The following CHIC1 variants were observed in gnomAD, a reference collection of about 807,000 sequenced individuals.
The protein encoded by CHIC1 is cysteine rich hydrophobic domain 1.
Under a neutral mutation model 18.5 loss-of-function variants are expected in CHIC1, and 7 were observed. The observed-to-expected ratio is 0.38, with a 90% CI of 0.22 to 0.71. The LOEUF (loss-of-function observed/expected upper bound fraction) is 0.71. Among genes scored for constraint, CHIC1 ranks in the 30% least tolerant of loss-of-function variants. The pLI is 0.49. For synonymous variants in CHIC1, 77 were observed against 73.5 expected, an observed-to-expected ratio of 1.05 and a Z score of -0.25; for missense variants, 159 against 176.9, an observed-to-expected ratio of 0.90 and a Z score of 0.57.
chrX:73,663,976 C>T (rs1239063420), intron 3 of CHIC1, among the ~76,000 whole-genome samples: 1 of 111,570 alleles, frequency 9.0e-6, no homozygotes, highest in African/African-American at 3.3e-5. Context: ...GAGGCAGGGG[C>T]CCCAGATCCC....
intron 3 of CHIC1, among the ~76,000 whole-genome samples, chrX:73,677,545 A>G (rs913221454): frequency 8.9e-6 from 1 of 112,337 alleles, no homozygotes; most frequent in Non-Finnish European, 1.9e-5. Flanking sequence ...AGCCAGGTGC[A>G]GGATATAATC....
Position 73,642,454 on chromosome X carries a change from T to C in CHIC1, c.508-36872T>C, listed in dbSNP as rs1469031422. Among the ~76,000 whole-genome samples the C allele has an allele frequency of 3.6e-5, 4 of 109,621 alleles. No individual in the cohort carries two copies. In the Admixed American group the frequency reaches 3.9e-4, roughly 11 times the overall value. Reference sequence around the variant, plus strand: ...AGATGAGTAGGTTGCGAAAATTTTCTCCCATTTTGTAGGTTGCCTGTTCAC... The same window carrying C: ...AGATGAGTAGGTTGCGAAAATTTTCCCCCATTTTGTAGGTTGCCTGTTCAC... On this transcript the variant is annotated intron_variant, in intron 3 of 5. Transcript: ENST00000373502.
At chrX:73,680,310 T>C (rs1027241297) in intron 5 of CHIC1, among the ~76,000 whole-genome samples, 1 of 111,255 alleles carries the variant, frequency 9.0e-6, no homozygotes, top group Non-Finnish European at 1.9e-5. Flanking sequence ...ATTCCATGTG[T>C]GTTTCATAAG....
chrX:73,650,250 C>T (rs760936886), intron 3 of CHIC1, among the ~76,000 whole-genome samples: 2 of 111,530 alleles, frequency 1.8e-5, no homozygotes, highest in Non-Finnish European at 3.8e-5. Flanking sequence ...TTGAAATCGA[C>T]ACCCTAACAT....
intron 3 of CHIC1, among the ~76,000 whole-genome samples, chrX:73,670,407 T>G (rs1054484722): frequency 9.0e-6 from 1 of 111,528 alleles, no homozygotes; most frequent in African/African-American, 3.3e-5. Flanking sequence ...GTCTAGCTGA[T>G]GGTTTGTCTA....
intron 3 of CHIC1, among the ~76,000 whole-genome samples, chrX:73,663,257 T>C (rs2057989263): frequency 9.0e-6 from 1 of 111,347 alleles, no homozygotes; most frequent in Non-Finnish European, 1.9e-5. Flanking sequence ...TTGATTGTTC[T>C]ATGTGGCCGG....
intron 3 of CHIC1, among the ~76,000 whole-genome samples, chrX:73,606,187 A>G (rs1362636148): frequency 9.5e-6 from 1 of 105,740 alleles, no homozygotes; most frequent in African/African-American, 3.7e-5. Flanking sequence ...GTTCCTTTTC[A>G]TTCTTTTTTC....
chrX:73,581,869 G>A (rs2057529270), intron 2 of CHIC1, among the ~76,000 whole-genome samples: 2 of 110,736 alleles, frequency 1.8e-5, no homozygotes, highest in African/African-American at 3.3e-5. Context: ...AATTCCAGAA[G>A]CATATAATAA....
intron 3 of CHIC1, among the ~76,000 whole-genome samples, chrX:73,609,534 G>A (rs752643396): frequency 1.8e-5 from 2 of 108,581 alleles, no homozygotes; most frequent in South Asian, 3.8e-4. Context: ...CCCGAGTAGC[G>A]GCATCTACAG....
At chrX:73,654,430 A>G (rs1387080877) in intron 3 of CHIC1, among the ~76,000 whole-genome samples, 2 of 111,386 alleles carry the variant, frequency 1.8e-5, no homozygotes, top group African/African-American at 6.5e-5. Flanking sequence ...CTAGATATTC[A>G]TTTTGCTAGT....
At chrX:73,623,211 G>A (rs2057768433) in intron 3 of CHIC1, among the ~76,000 whole-genome samples, 1 of 110,839 alleles carries the variant, frequency 9.0e-6, no homozygotes, top group African/African-American at 3.3e-5. Flanking sequence ...GCTTGGTCTA[G>A]AGCTGTGTTC....
chrX:73,661,638 A>G (rs1172905794), intron 3 of CHIC1, among the ~76,000 whole-genome samples: 2 of 111,740 alleles, frequency 1.8e-5, no homozygotes, highest in African/African-American at 6.5e-5. Context: ...GCTGAAGTCG[A>G]AGAAAAAGTG....
At position 73,684,579 on chromosome X, in the gene CHIC1, T is replaced by A. The variant is rs2058113391; in HGVS notation, c.*3574T>A. The A allele has an allele frequency of 1.8e-5, 2 of 111,422 alleles. No homozygotes were observed. Among genetic ancestry groups the A allele is most frequent in the African/African-American group, 6.5e-5 (2 of 30,773 alleles). 9.2% of individuals were successfully genotyped at this position (111,422 alleles called of 1,213,427 possible). On this transcript the variant is annotated 3_prime_UTR_variant, in exon 6 of 6. Coordinates refer to ENST00000373502, the MANE Select transcript of CHIC1 (RefSeq NM_001039840.4). The stretch of plus-strand genomic sequence containing the variant: ...GACCTAGGAGGATATAGAAATTATA[T>A]TCACCTGATTAACTGGAGCAGTTTC...
chrX:73,637,114 C>T (rs1398755366), intron 3 of CHIC1, among the ~76,000 whole-genome samples: 1 of 110,471 alleles, frequency 9.1e-6, no homozygotes, highest in Non-Finnish European at 1.9e-5. Context: ...CTTAATTTTT[C>T]CTTTATTTTT....
At chrX:73,669,298 T>G (rs752619121) in intron 3 of CHIC1, among the ~76,000 whole-genome samples, 2 of 111,811 alleles carry the variant, frequency 1.8e-5, no homozygotes, top group South Asian at 7.5e-4. Flanking sequence ...TGAAAGGTCC[T>G]GCTGGGAGGT....
intron 2 of CHIC1, among the ~76,000 whole-genome samples, chrX:73,583,197 TTGAG>T (rs1225820869): frequency 9.0e-6 from 1 of 111,226 alleles, no homozygotes; most frequent in Non-Finnish European, 1.9e-5. Flanking sequence ...ATTAACCTTA[TTGAG>T]TGACATGAAC....
intron 3 of CHIC1, among the ~76,000 whole-genome samples, chrX:73,618,132 G>A (rs1439365918): frequency 9.0e-6 from 1 of 111,656 alleles, no homozygotes; most frequent in Non-Finnish European, 1.9e-5. Context: ...GACGTGAACT[G>A]TCTTCAGGTC....
At position 73,628,040 on chromosome X, in the gene CHIC1, C is replaced by T. The variant is rs968385844; in HGVS notation, c.507+43468C>T. 2.7e-5 allele frequency among the ~76,000 whole-genome samples: 3 copies of T among 111,517 alleles called. No homozygotes were observed. In the South Asian group the frequency reaches 1.1e-3, roughly 43 times the overall value. On this transcript the variant is annotated intron_variant, in intron 3 of 5. Transcript: ENST00000373502. The stretch of plus-strand genomic sequence containing the variant: ...GTTGCCAGGACTTGGTCCTTTCCTT[C>T]AAGGCAGTGGGTTCCCTTCTGGCCC...
intron 3 of CHIC1, among the ~76,000 whole-genome samples, chrX:73,599,509 A>G (rs1218409185): frequency 5.9e-5 from 6 of 102,517 alleles, no homozygotes; most frequent in African/African-American, 1.2e-4. Flanking sequence ...TGATTTTTGT[A>G]TAAGGTGTAA....
Sources: allele counts gnomAD v4.1 joint callset (sites outside exome capture counted in the v4.1 genomes callset), GRCh38; gene constraint gnomAD v4.1.1; transcripts MANE v1.5; gene names NCBI Gene and HGNC (gene_info 2026-07-23, HGNC 2026-07-21).